SLIT2: variants seen among roughly 807,000 people sequenced by gnomAD.
The protein encoded by SLIT2 is slit guidance ligand 2.
In SLIT2, 41 loss-of-function variants were observed where a neutral mutation model predicts 185.7. The observed-to-expected ratio is 0.22, with a 90% CI of 0.17 to 0.29. The LOEUF is 0.29. SLIT2 is among the 10% of genes least tolerant of loss of function. SLIT2 has a pLI of 1.00. For missense variants in SLIT2, 1,571 were observed against 1,909.0 expected, an observed-to-expected ratio of 0.82 and a Z score of 3.30; for synonymous variants, 693 against 680.2, an observed-to-expected ratio of 1.02 and a Z score of -0.29.
intron 29 of SLIT2, among the ~76,000 whole-genome samples, chr4:20,580,342 T>C (rs1460077944): frequency 6.6e-6 from 1 of 151,676 alleles, no homozygotes; most frequent in Non-Finnish European, 1.5e-5. Flanking sequence ...CCGGTTGATA[T>C]AATGTAAAGT....
intron 4 of SLIT2, among the ~76,000 whole-genome samples, chr4:20,323,726 G>T (rs1719298892): frequency 6.6e-6 from 1 of 152,186 alleles, no homozygotes; most frequent in Admixed American, 6.6e-5. Context: ...ATTGGGCAGA[G>T]TCTAAGATTG....
At chr4:20,532,265 A>G (rs183786111) in intron 17 of SLIT2, among the ~76,000 whole-genome samples, 1 of 152,176 alleles carries the variant, frequency 6.6e-6, no homozygotes. Flanking sequence ...AGCAGAGCCT[A>G]AGCATCTTAC....
intron 29 of SLIT2, among the ~76,000 whole-genome samples, chr4:20,569,605 A>G (rs1315381000): frequency 1.3e-5 from 2 of 152,064 alleles, no homozygotes; most frequent in East Asian, 1.9e-4. Context: ...TCTAAAGTCA[A>G]CATCAAGTTT....
rs376556054 is a variant in SLIT2, at chr4:20,441,519, G to GTCTCTCTC, written c.396-26211_396-26204dup. ...CTCTCTCTCGCCCCCCCCCACTTCT[G>GTCTCTCTC]TCTCTCTCTCTCTCTCTCTCTCTCT... On this transcript the variant is annotated intron_variant, in intron 4 of 36. Coordinates refer to ENST00000504154, the MANE Select transcript of SLIT2 (RefSeq NM_004787.4). Among the ~76,000 whole-genome samples the GTCTCTCTC allele has an allele frequency of 3.4e-3, 367 of 108,054 alleles. 3 individuals carry two copies. Among genetic ancestry groups the GTCTCTCTC allele is most frequent in the Middle Eastern group, 0.028 (5 of 180 alleles). The allele number at this position is 108,054 out of a possible 152,430, so 70.9% of individuals were successfully genotyped here. A position where few individuals can be genotyped will look rare whatever the true frequency, so the allele number is the denominator to read the frequency against.
chr4:20,456,580 T>G (rs1713092631), intron 4 of SLIT2, among the ~76,000 whole-genome samples: 1 of 152,178 alleles, frequency 6.6e-6, no homozygotes, highest in Non-Finnish European at 1.5e-5. Flanking sequence ...ATGGCTGATC[T>G]TCCTCAGTAT....
intron 4 of SLIT2, chr4:20,393,687 A>T (rs1577567742): frequency 6.6e-6 from 1 of 152,062 alleles, no homozygotes; most frequent in East Asian, 1.9e-4. Flanking sequence ...CAGACACTAT[A>T]ATTCAGGCTG....
At chr4:20,291,492 ATTTTTTTTTTTTTTT>A (rs1157453738) in intron 4 of SLIT2, among the ~76,000 whole-genome samples, 244 of 18,092 alleles carry the variant, frequency 0.013, 1 homozygote, top group African/African-American at 0.02. Flanking sequence ...ATATATATAT[ATTTTTTTTTTTTTTT>A]TTTTTTTTTT....
chr4:20,612,031 C>T (rs1485876177), intron 34 of SLIT2, among the ~76,000 whole-genome samples: 29 of 151,816 alleles, frequency 1.9e-4, no homozygotes. Context: ...CATTAGAATC[C>T]ACTTCATTAA....
chr4:20,490,894 G>C (rs1717726784), intron 8 of SLIT2: 1 of 1,125,266 alleles, frequency 8.9e-7, no homozygotes. Context: ...TTAGCAGCTG[G>C]CTTGCAGCCT....
chr4:20,588,770 C>T (rs1432853283), intron 29 of SLIT2, among the ~76,000 whole-genome samples: 2 of 152,082 alleles, frequency 1.3e-5, no homozygotes, highest in East Asian at 3.9e-4. Context: ...AAGAAATTAT[C>T]AGTCATGTGA....
chr4:20,551,783 G>A (rs1012452701), intron 25 of SLIT2, among the ~76,000 whole-genome samples: 15 of 152,048 alleles, frequency 9.9e-5, no homozygotes, highest in Admixed American at 6.6e-5. Flanking sequence ...AAGAAGATAC[G>A]ATTTTACAAA....
chr4:20,597,691 GGAA>G (rs1229504791), intron 32 of SLIT2, among the ~76,000 whole-genome samples: 2 of 152,152 alleles, frequency 1.3e-5, no homozygotes, highest in Non-Finnish European at 2.9e-5. Flanking sequence ...TTTGAAGTCA[GGAA>G]GAAGAGAATC....
intron 29 of SLIT2, among the ~76,000 whole-genome samples, chr4:20,569,434 C>T (rs565585782): frequency 2.0e-5 from 3 of 152,082 alleles, no homozygotes; most frequent in Non-Finnish European, 4.4e-5. Flanking sequence ...GTATTTGCCT[C>T]TAGTAACCCA....
At chr4:20,590,261 A>G (rs1292453201) in intron 30 of SLIT2, among the ~76,000 whole-genome samples, 12 of 152,134 alleles carry the variant, frequency 7.9e-5, no homozygotes, top group Non-Finnish European at 7.3e-5. Flanking sequence ...CTTTTCATCC[A>G]TGATTTTTTT....
At chr4:20,608,122 A>G (rs927243524) in intron 33 of SLIT2, among the ~76,000 whole-genome samples, 25 of 152,126 alleles carry the variant, frequency 1.6e-4, no homozygotes, top group Non-Finnish European at 3.5e-4. Flanking sequence ...TATGATAGTG[A>G]TGGTGATACT....
rs1159858357 is a variant in SLIT2 at position 20,252,139 on chromosome 4, C to A, written c.-1677C>A. On this transcript the variant is annotated 5_prime_UTR_variant, in exon 1 of 37. Transcript: ENST00000504154. ...AAAGGGGAGCGCCGGGGGCCCGCAG[C>A]CGGCTCCGGAGGCGCGGGCCGGGTT... Among the ~76,000 whole-genome samples, 1 of 150,842 alleles carries A rather than the reference C, an allele frequency of 6.6e-6. No homozygotes were observed. Among genetic ancestry groups the A allele is most frequent in the East Asian group, 2.0e-4 (1 of 4,936 alleles).
In SLIT2 at chr4:20,524,169, G is replaced by A. The variant is rs192894188; in HGVS notation, c.1430G>A (p.Arg477His). 7.5e-5 allele frequency: 121 copies of A among 1,613,900 alleles called. No individual in the cohort carries two copies. Among genetic ancestry groups the A allele is most frequent in the African/African-American group, 1.2e-4 (9 of 75,038 alleles). Residue 477 changes from arginine (R) to histidine (H), a missense_variant, in exon 14 of 37, where the codon CGT becomes CAT. Physicochemically the swap from Arg to His is conservative, Grantham distance 29. Coordinates refer to ENST00000504154, the MANE Select transcript of SLIT2 (RefSeq NM_004787.4). ...RIGQIKSKKFRCSAKEQYFIP... is the reference protein window; with the variant it reads ...RIGQIKSKKFHCSAKEQYFIP... Reference sequence around the variant, plus strand: ...GGACAGATCAAAAGCAAGAAATTCCGTTGTTCAGGTAATTTCTTCACGTGT... The same window carrying A: ...GGACAGATCAAAAGCAAGAAATTCCATTGTTCAGGTAATTTCTTCACGTGT...
chr4:20,333,595 T>A (rs2109207618), intron 4 of SLIT2, among the ~76,000 whole-genome samples: 1 of 152,262 alleles, frequency 6.6e-6, no homozygotes, highest in South Asian at 2.1e-4. Context: ...TTAGCTTGTT[T>A]TTAAAATCTG....
At chr4:20,432,225 C>G (rs1560418089) in intron 4 of SLIT2, among the ~76,000 whole-genome samples, 1 of 152,074 alleles carries the variant, frequency 6.6e-6, no homozygotes, top group South Asian at 2.1e-4. Context: ...ACCACTGGAC[C>G]TTTCTCTCTT....
Sources: gnomAD v4.1 joint callset for allele counts (sites outside exome capture counted in the v4.1 genomes callset) on GRCh38, gnomAD v4.1.1 for gene constraint, MANE v1.5 for transcripts, NCBI Gene and HGNC (gene_info 2026-07-23, HGNC 2026-07-21) for gene names.